Variants in MYO3B observed in about 807,000 individuals in gnomAD.
MYO3B encodes myosin-IIIb.
Under a neutral mutation model 174.6 loss-of-function variants are expected in MYO3B, and 156 were observed. The observed-to-expected ratio is 0.89, with a 90% confidence interval of 0.78 to 1.02. MYO3B has a LOEUF of 1.02. MYO3B is among the 50% of genes least tolerant of loss of function. MYO3B has a pLI of 0.00. For synonymous variants in MYO3B, 563 were observed against 569.1 expected, an observed-to-expected ratio of 0.99 and a Z score of 0.15; for missense variants, 1,632 against 1,639.4, an observed-to-expected ratio of 1.00 and a Z score of 0.08.
intron 12 of MYO3B, among the ~76,000 whole-genome samples, chr2:170,384,493 T>C (rs2094358859): frequency 6.6e-6 from 1 of 152,196 alleles, no homozygotes; most frequent in African/African-American, 2.4e-5. Flanking sequence ...AGGGTATCAA[T>C]GTGTGGATTT....
chr2:170,481,475 C>G (rs1349086891), intron 25 of MYO3B, among the ~76,000 whole-genome samples: 2 of 152,160 alleles, frequency 1.3e-5, no homozygotes, highest in Non-Finnish European at 2.9e-5. Context: ...TACTTGGTAG[C>G]TGAGGTGAGA....
intron 32 of MYO3B, chr2:170,641,513 C>A (rs1219748245): frequency 6.6e-6 from 1 of 152,096 alleles, no homozygotes; most frequent in African/African-American, 2.4e-5. Context: ...GTATGTTCCT[C>A]AAAGCACTGT....
At chr2:170,214,247 C>T in intron 3 of MYO3B, 132 bp from the exon 4 acceptor site, 1 of 633,184 alleles carries the variant, frequency 1.6e-6, no homozygotes, top group African/African-American at 1.8e-5. Context: ...TCTGAGTATT[C>T]CAAGCTGGAG....
intron 32 of MYO3B, among the ~76,000 whole-genome samples, chr2:170,646,687 T>A (rs1204695527): frequency 6.6e-6 from 1 of 152,188 alleles, no homozygotes; most frequent in Non-Finnish European, 1.5e-5. Flanking sequence ...TGAGCCACCG[T>A]GCCCAGCCAG....
At chr2:170,432,802 C>T (rs182746804) in intron 22 of MYO3B, among the ~76,000 whole-genome samples, 1,627 of 152,118 alleles carry the variant, frequency 0.011, 36 homozygotes, top group African/African-American at 0.037. Flanking sequence ...GTCTCGATCT[C>T]CTGACCTTGT....
At chr2:170,384,356 C>T (rs72874572) in intron 12 of MYO3B, among the ~76,000 whole-genome samples, 9,954 of 152,188 alleles carry the variant, frequency 0.065, 958 homozygotes, top group East Asian at 0.49. Flanking sequence ...ACCTTTCTAG[C>T]CTTCTAATTC....
chr2:170,410,810 T>G (rs1376783490), intron 22 of MYO3B, among the ~76,000 whole-genome samples: 1 of 152,144 alleles, frequency 6.6e-6, no homozygotes, highest in Non-Finnish European at 1.5e-5. Context: ...TTTTGCATAC[T>G]TTTTTGTGTG....
At chr2:170,184,022 G>A (rs13388770) in intron 1 of MYO3B, among the ~76,000 whole-genome samples, 8,300 of 119,212 alleles carry the variant, frequency 0.07, 559 homozygotes, top group East Asian at 0.44. Flanking sequence ...TCTAATAGCT[G>A]ATTTTTTTTC....
intron 7 of MYO3B, among the ~76,000 whole-genome samples, chr2:170,236,554 T>C (rs1022719490): frequency 6.6e-6 from 1 of 152,236 alleles, no homozygotes; most frequent in Non-Finnish European, 1.5e-5. Context: ...CATTGAAATG[T>C]ATCAGAAAAT....
intron 6 of MYO3B, among the ~76,000 whole-genome samples, chr2:170,224,806 C>T (rs535234100): frequency 9.4e-4 from 143 of 152,232 alleles, no homozygotes; most frequent in African/African-American, 3.3e-3. Flanking sequence ...TGTGCTGTGA[C>T]GGCTCCAAAA....
intron 1 of MYO3B, among the ~76,000 whole-genome samples, chr2:170,182,518 T>C (rs1442579594): frequency 6.6e-6 from 1 of 152,202 alleles, no homozygotes; most frequent in Admixed American, 6.5e-5. Flanking sequence ...TTTTAATTAC[T>C]CTAGCAGTAT....
intron 28 of MYO3B, among the ~76,000 whole-genome samples, chr2:170,514,631 A>C (rs1048524488): frequency 6.6e-6 from 1 of 152,206 alleles, no homozygotes; most frequent in Admixed American, 6.5e-5. Context: ...TATTTGACTA[A>C]TGTGATCAGT....
intron 16 of MYO3B, among the ~76,000 whole-genome samples, chr2:170,394,786 T>C (rs2094434700): frequency 6.6e-6 from 1 of 152,226 alleles, no homozygotes; most frequent in African/African-American, 2.4e-5. Flanking sequence ...CAACCTGTTT[T>C]GCTGAGTTAA....
intron 32 of MYO3B, among the ~76,000 whole-genome samples, chr2:170,590,064 C>T (rs769817056): frequency 3.4e-4 from 51 of 152,124 alleles, no homozygotes; most frequent in Non-Finnish European, 5.7e-4. Context: ...GCTGTACTGT[C>T]TAGGTTTGTG....
intron 33 of MYO3B, among the ~76,000 whole-genome samples, 171 bp from the exon 34 acceptor site, chr2:170,651,932 AAGACG>A (rs1699039407): frequency 6.7e-6 from 1 of 148,360 alleles, no homozygotes; most frequent in Non-Finnish European, 1.5e-5. Context: ...TGGTTTATCA[AAGACG>A]AGCAAGATGC....
At chr2:170,405,203 A>G (rs1381496133) in intron 20 of MYO3B, among the ~76,000 whole-genome samples, 3 of 152,180 alleles carry the variant, frequency 2.0e-5, no homozygotes, top group Non-Finnish European at 4.4e-5. Context: ...GTTTTCTTTT[A>G]TATATAACAT....
chr2:170,389,846 A>G (rs556052299), intron 14 of MYO3B, among the ~76,000 whole-genome samples: 16 of 152,198 alleles, frequency 1.1e-4, no homozygotes, highest in African/African-American at 3.6e-4. Flanking sequence ...TTTCTCCAGA[A>G]TATATATAAT....
intron 7 of MYO3B, among the ~76,000 whole-genome samples, chr2:170,257,481 A>G (rs1329881771): frequency 6.6e-6 from 1 of 152,180 alleles, no homozygotes. Flanking sequence ...TTGCTCCTGA[A>G]TGACTTTTGG....
At chr2:170,262,379 T>TGGG (rs2105352389) in intron 7 of MYO3B, among the ~76,000 whole-genome samples, 1 of 152,286 alleles carries the variant, frequency 6.6e-6, no homozygotes, top group Admixed American at 6.5e-5. Context: ...GGTGGGACTC[T>TGGG]GGGGAACTGG....
Sources: gnomAD v4.1 joint callset for allele counts (sites outside exome capture counted in the v4.1 genomes callset) on GRCh38, gnomAD v4.1.1 for gene constraint, MANE v1.5 for transcripts, NCBI Gene and HGNC (gene_info 2026-07-23, HGNC 2026-07-21) for gene names.